Variants in LLGL2 observed in about 807,000 individuals in gnomAD.
LLGL2 encodes the protein LLGL scribble cell polarity complex component 2.
In LLGL2, 81 loss-of-function variants were observed where a neutral mutation model predicts 123.2. The ratio of observed to expected loss-of-function variants is 0.66; its 90% confidence interval spans 0.55 to 0.79. LLGL2 has a LOEUF of 0.79. LLGL2 is among the 30% of genes least tolerant of loss of function. The pLI, the probability that LLGL2 is intolerant of heterozygous loss-of-function variation, is 0.00. For synonymous variants in LLGL2, 577 were observed against 594.1 expected (o/e 0.97, Z 0.42); for missense variants, 1,273 against 1,414.6 (o/e 0.90, Z 1.61).
At chr17:75,533,028 C>A (rs2053860482) in intron 1 of LLGL2, among the ~76,000 whole-genome samples, 1 of 152,010 alleles carries the variant, frequency 6.6e-6, no homozygotes, top group African/African-American at 2.4e-5. Context: ...TTTGAGGAGT[C>A]TTGCTCTGTC....
At chr17:75,560,983 C>T (rs2055194436) in intron 6 of LLGL2, among the ~76,000 whole-genome samples, 1 of 152,148 alleles carries the variant, frequency 6.6e-6, no homozygotes, top group South Asian at 2.1e-4. Flanking sequence ...AGGTGCACGC[C>T]ATCACACCCG....
chr17:75,527,861 C>A (rs980957151), intron 1 of LLGL2, among the ~76,000 whole-genome samples: 1 of 151,694 alleles, frequency 6.6e-6, no homozygotes, highest in African/African-American at 2.4e-5. Context: ...GATGGAGGCT[C>A]ACTGCAGACT....
intron 2 of LLGL2, among the ~76,000 whole-genome samples, chr17:75,548,582 C>T (rs575834444): frequency 1.1e-3 from 160 of 151,798 alleles, no homozygotes; most frequent in Non-Finnish European, 1.5e-3. Context: ...GGTAGATCAC[C>T]TGAGGTCAGG....
At chr17:75,533,892 G>A (rs930964761) in intron 1 of LLGL2, among the ~76,000 whole-genome samples, 1 of 152,252 alleles carries the variant, frequency 6.6e-6, no homozygotes, top group African/African-American at 2.4e-5. Context: ...AAGCTTTGAA[G>A]GAAGTGAGGG....
At chr17:75,562,751 G>A (rs560606336) in intron 6 of LLGL2, 117 of 491,792 alleles carry the variant, frequency 2.4e-4, no homozygotes, top group Non-Finnish European at 1.1e-4. Context: ...TATATTTTTA[G>A]TAGAGACAGG....
At chr17:75,530,349 T>A (rs186692036) in intron 1 of LLGL2, among the ~76,000 whole-genome samples, 153 of 152,054 alleles carry the variant, frequency 1.0e-3, no homozygotes, top group African/African-American at 3.1e-3. Context: ...AAAATTTTTT[T>A]AAAAAATTAG....
At chr17:75,538,668 A>C (rs1172293838) in intron 1 of LLGL2, 2 of 152,204 alleles carry the variant, frequency 1.3e-5, no homozygotes, top group Admixed American at 1.3e-4. Context: ...TAAGCTATTC[A>C]GTGTGTCCAA....
chr17:75,551,746 A>G (rs918302696), intron 2 of LLGL2, among the ~76,000 whole-genome samples: 3 of 152,240 alleles, frequency 2.0e-5, no homozygotes, highest in African/African-American at 7.2e-5. Context: ...TGTCGAGGCC[A>G]ATGGGAATAT....
Position 75,544,774 on chromosome 17 carries a change from T to G in LLGL2, c.75+1273T>G, listed in dbSNP as rs6501825. ...CAATGTGCCCTGCCATTTCTCTCTG[T>G]GTTTCTTAGCCTGTGGGAGGAGTTG... On this transcript the variant is annotated intron_variant, in intron 2 of 25. Coordinates refer to ENST00000392550, the MANE Select transcript of LLGL2 (RefSeq NM_001031803.2). This position sits in a 1 kb window ranked among gnomAD's most constrained non-coding sequence, Gnocchi z 4.2. 0.77 allele frequency among the ~76,000 whole-genome samples: 117,235 copies of G among 151,778 alleles called. 46,060 individuals carry two copies. The highest frequency in any genetic ancestry group is 0.86 in the Non-Finnish European group (58,248 of 67,892).
rs745990143 is a variant in LLGL2 at position 75,574,199 on chromosome 17, C to T, written c.2906-14C>T. 5 of 1,530,234 alleles carry T rather than the reference C, an allele frequency of 3.3e-6. No individual in the cohort carries two copies. The South Asian group carries it at 6.2e-5, about 19-fold the overall frequency. 94.8% of individuals were successfully genotyped at this position (1,530,234 alleles called of 1,614,324 possible). A position where few individuals can be genotyped will look rare whatever the true frequency, so the allele number is the denominator to read the frequency against. ...GCCCAGGCGGGGCGCCCTGACCCGG[C>T]CTCTACCTTCCAGAGAAGCAGCCCG... On this transcript the variant is annotated splice_polypyrimidine_tract_variant and intron_variant, in intron 22 of 25. Transcript: ENST00000392550.
At position 75,573,637 on chromosome 17, in the gene LLGL2, T is replaced by C; in HGVS notation, c.2876+6T>C. On this transcript the variant is annotated splice_donor_region_variant and intron_variant, in intron 21 of 25. Transcript: ENST00000392550. ...AAGGCCCCGAGCCGAGCCAGGTGAG[T>C]GAAAGGGCCAGAGGCCTCTCCCGCC... The C allele has an allele frequency of 6.2e-7, 1 of 1,605,706 alleles. No individual in the cohort carries two copies. Among genetic ancestry groups the C allele is most frequent in the Non-Finnish European group, 8.5e-7 (1 of 1,176,584 alleles).
chr17:75,571,444 G>C (rs1032687846), intron 17 of LLGL2: 1 of 590,188 alleles, frequency 1.7e-6, no homozygotes, highest in African/African-American at 1.9e-5. Context: ...AGAGCCTGCT[G>C]GTCTCCAGAT....
rs60263689 is a variant in LLGL2 at position 75,563,211 on chromosome 17, G to C, written c.693+33G>C. 9.2e-3 allele frequency: 14,754 copies of C among 1,611,134 alleles called. 490 individuals carry two copies. The East Asian group carries it at 0.11, about 12-fold the overall frequency. Reference sequence around the variant, plus strand: ...GTGCCCAGGACATGGCAGGCGCCATGTTGCTCTCCCAGGGCCCCAAGTGGC... The same window carrying C: ...GTGCCCAGGACATGGCAGGCGCCATCTTGCTCTCCCAGGGCCCCAAGTGGC... On this transcript the variant is annotated intron_variant, in intron 7 of 25. Coordinates refer to ENST00000392550, the MANE Select transcript of LLGL2 (RefSeq NM_001031803.2).
Position 75,544,464 on chromosome 17 carries a change from G to A in LLGL2, c.75+963G>A, listed in dbSNP as rs765144268. ...GGAGAATGAGGAAGTCTCTTTGGTT[G>A]TATTTTTGTTATTGATTTGAGAACT... On this transcript the variant is annotated intron_variant, in intron 2 of 25. Transcript: ENST00000392550. This position sits in a 1 kb window ranked among gnomAD's most constrained non-coding sequence, Gnocchi z 4.2. Among the ~76,000 whole-genome samples the A allele has an allele frequency of 1.3e-5, 2 of 152,252 alleles. No homozygotes were observed. Among genetic ancestry groups the A allele is most frequent in the Non-Finnish European group, 2.9e-5 (2 of 68,038 alleles).
chr17:75,543,550 A>G (rs6501822), intron 2 of LLGL2, 49 bp downstream of exon 2: 1,359,961 of 1,532,964 alleles, frequency 0.89, 607,727 homozygotes, highest in Middle Eastern at 0.92. Context: ...TCGGCCAAGC[A>G]GCTCAGGCTG....
Position 75,572,081 on chromosome 17 carries a change from G to A in LLGL2, c.2460+17G>A, listed in dbSNP as rs545431193. On this transcript the variant is annotated intron_variant, in intron 19 of 25. Transcript: ENST00000392550. ...CAGTTCAAGGTGCCACACGGGCAGC[G>A]GCGGGTCTCCCTGGGACTCCCCGGG... 2.7e-5 allele frequency: 44 copies of A among 1,604,046 alleles called. No homozygotes were observed. Among genetic ancestry groups the A allele is most frequent in the South Asian group, 1.3e-4 (12 of 90,736 alleles).
Position 75,558,608 on chromosome 17 carries a change from A to C in LLGL2, c.352A>C (p.Thr118Pro). The C allele has an allele frequency of 6.2e-7, 1 of 1,607,154 alleles. No homozygotes were observed. Residue 118 changes from threonine to proline, a missense_variant, in exon 5 of 26, where the codon ACA (threonine) becomes CCA (proline). Transcript: ENST00000392550. This position sits in a 1 kb window ranked among gnomAD's most constrained non-coding sequence, Gnocchi z 4.0. ...ASELQEDESFTLRGPPGAAPS... is the reference protein window; with the variant it reads ...ASELQEDESFPLRGPPGAAPS... ...GGAGCTGCAGGAGGATGAGAGCTTC[A>C]CACTGCGTGGACCCCCAGGGTAAGG...
At position 75,559,299 on chromosome 17, in the gene LLGL2, C is replaced by T; in HGVS notation, c.419C>T (p.Ser140Phe). The part of the protein sequence containing the change: ...TQITVVLPHS[S>F]CELLYLGTES... ...ATCACCGTGGTCCTGCCACATTCCT[C>T]CTGCGAGCTGCTCTACCTGGGCACC... Residue 140 changes from serine to phenylalanine, a missense_variant, in exon 6 of 26, where the codon TCC (serine) becomes TTC (phenylalanine). By Grantham distance (155) the Ser-to-Phe change is radical. Coordinates refer to ENST00000392550, the MANE Select transcript of LLGL2 (RefSeq NM_001031803.2). This position sits in a 1 kb window ranked among gnomAD's most constrained non-coding sequence, Gnocchi z 4.6. 1 of 1,613,196 alleles carries T rather than the reference C, an allele frequency of 6.2e-7. No individual in the cohort carries two copies. The highest frequency in any genetic ancestry group is 8.5e-7 in the Non-Finnish European group (1 of 1,179,898).
rs1195975095 is a variant in LLGL2, at chr17:75,558,985, C to T, written c.372-267C>T. On this transcript the variant is annotated intron_variant, in intron 5 of 25. Coordinates refer to ENST00000392550, the MANE Select transcript of LLGL2 (RefSeq NM_001031803.2). The surrounding 1 kb of genome is among the most constrained non-coding windows in gnomAD (Gnocchi z 4.0). ...CACCCCGCCTCCTCCATCCGCACCCCGCCTCCTCCATCTGCACCCCGCCTC... is the reference window on the plus strand; with the variant it reads ...CACCCCGCCTCCTCCATCCGCACCCTGCCTCCTCCATCTGCACCCCGCCTC... The T allele has an allele frequency of 4.7e-5, 26 of 547,496 alleles. 1 individual carries two copies. The highest frequency in any genetic ancestry group is 1.3e-4 in the Admixed American group (4 of 31,188). 33.9% of individuals were successfully genotyped at this position (547,496 alleles called of 1,614,324 possible). A position where few individuals can be genotyped will look rare whatever the true frequency, so the allele number is the denominator to read the frequency against.
Sources: gnomAD v4.1 joint callset for allele counts (sites outside exome capture counted in the v4.1 genomes callset) on GRCh38, gnomAD v4.1.1 for gene constraint, Gnocchi (gnomAD v3.1) non-coding constraint, MANE v1.5 for transcripts, NCBI Gene and HGNC (gene_info 2026-07-23, HGNC 2026-07-21) for gene names.